Variants in FOXP1 observed in about 807,000 individuals in gnomAD.
FOXP1 encodes the protein forkhead box P1.
FOXP1 carries 15 observed loss-of-function variants against 98.2 expected under a neutral mutation model. That is an observed-to-expected ratio of 0.15 (90% confidence interval 0.10 to 0.24). The LOEUF is 0.24. Ranked by LOEUF, FOXP1 falls within the 10% of genes least tolerant of loss-of-function variation. FOXP1 has a pLI of 1.00. For missense variants in FOXP1, 633 were observed against 848.5 expected (o/e 0.75, Z 3.15); for synonymous variants, 371 against 314.5 (o/e 1.18, Z -1.90).
At chr3:71,040,038 T>C (rs1271914928) in intron 11 of FOXP1, among the ~76,000 whole-genome samples, 11 of 152,114 alleles carry the variant, frequency 7.2e-5, no homozygotes, top group Admixed American at 7.2e-4. Context: ...ATATGTATTA[T>C]CCTCAACTCT....
chr3:71,229,674 C>T (rs868276044), intron 5 of FOXP1, among the ~76,000 whole-genome samples: 5 of 152,186 alleles, frequency 3.3e-5, no homozygotes, highest in Middle Eastern at 3.4e-3. Context: ...TGCAAATGGG[C>T]CGTGTCTCTT....
At chr3:71,561,694 G>A (rs1198264748) in intron 2 of FOXP1, among the ~76,000 whole-genome samples, 2 of 152,134 alleles carry the variant, frequency 1.3e-5, no homozygotes, top group Admixed American at 1.3e-4. Flanking sequence ...TGCAGAGCTG[G>A]CATTTGCTGA....
intron 5 of FOXP1, among the ~76,000 whole-genome samples, chr3:71,200,698 G>A (rs2063616985): frequency 6.6e-6 from 1 of 152,208 alleles, no homozygotes; most frequent in Non-Finnish European, 1.5e-5. Context: ...AGGCAAATGT[G>A]TTCCAATTGT....
intron 5 of FOXP1, among the ~76,000 whole-genome samples, chr3:71,263,830 G>C (rs1405451617): frequency 1.3e-5 from 2 of 151,122 alleles, no homozygotes; most frequent in Non-Finnish European, 2.9e-5. Context: ...CTACAGCCTC[G>C]ACTTCCCAGG....
chr3:71,085,824 G>A (rs1349903601), intron 7 of FOXP1, among the ~76,000 whole-genome samples: 1 of 140,628 alleles, frequency 7.1e-6, no homozygotes, highest in Non-Finnish European at 1.5e-5. Flanking sequence ...CCGCCTCCTG[G>A]GTTCAAGCGA....
chr3:71,413,359 G>A (rs1169211325), intron 3 of FOXP1, among the ~76,000 whole-genome samples: 3 of 149,090 alleles, frequency 2.0e-5, no homozygotes, highest in Admixed American at 6.7e-5. Flanking sequence ...ACAATGCTGC[G>A]CTGCCATTAC....
At chr3:71,327,461 C>G (rs1165787561) in intron 4 of FOXP1, among the ~76,000 whole-genome samples, 1 of 145,144 alleles carries the variant, frequency 6.9e-6, no homozygotes, top group Non-Finnish European at 1.5e-5. Flanking sequence ...GATCTCAGCT[C>G]ACTGCAAGCT....
At chr3:71,556,752 A>C (rs80275842) in intron 2 of FOXP1, among the ~76,000 whole-genome samples, 2,402 of 152,116 alleles carry the variant, frequency 0.016, 47 homozygotes, top group African/African-American at 0.054. Context: ...AGAGAATATC[A>C]ATGTTCACCA....
chr3:71,284,156 C>A (rs568237264), intron 5 of FOXP1, among the ~76,000 whole-genome samples: 20 of 152,242 alleles, frequency 1.3e-4, no homozygotes, highest in African/African-American at 3.1e-4. Flanking sequence ...TCATCCAGTA[C>A]TGATAGGATG....
At chr3:71,157,132 G>C (rs1441669206) in intron 6 of FOXP1, among the ~76,000 whole-genome samples, 1 of 152,218 alleles carries the variant, frequency 6.6e-6, no homozygotes, top group Non-Finnish European at 1.5e-5. Context: ...CTTCAGGTCT[G>C]GATCTAACCT....
rs187540340 is a variant in FOXP1, at chr3:71,484,198, G to A, written c.-168+9228C>T. On this transcript the variant is annotated intron_variant, in intron 3 of 20. Coordinates refer to ENST00000649528, the MANE Select transcript of FOXP1 (RefSeq NM_001349338.3). ...CAGCGTGGAGAGATTGACAGGAAAT[G>A]ACTGAGTGTAATGGCTCCAAAGGAG... is the stretch of plus-strand genomic sequence containing the variant. Among the ~76,000 whole-genome samples, 528 of 152,324 alleles carry A rather than the reference G, an allele frequency of 3.5e-3. 2 individuals carry two copies. The highest frequency in any genetic ancestry group is 0.012 in the African/African-American group (511 of 41,582).
intron 5 of FOXP1, among the ~76,000 whole-genome samples, chr3:71,254,971 G>T (rs2068509770): frequency 2.6e-5 from 4 of 152,134 alleles, no homozygotes; most frequent in African/African-American, 2.4e-5. Context: ...TTAAAAGGAG[G>T]ATTTAGAACC....
At chr3:71,272,032 G>A (rs919838375) in intron 5 of FOXP1, among the ~76,000 whole-genome samples, 10 of 152,084 alleles carry the variant, frequency 6.6e-5, no homozygotes, top group African/African-American at 2.4e-4. Flanking sequence ...CAATTATAAA[G>A]CACCTATTAT....
intron 7 of FOXP1, among the ~76,000 whole-genome samples, chr3:71,094,278 CTTTTTTTTTTTT>C (rs1180804992): frequency 2.3e-5 from 3 of 127,824 alleles, no homozygotes; most frequent in African/African-American, 9.2e-5. Flanking sequence ...TTTTTCTTTT[CTTTTTTTTTTTT>C]TTTTTTTGAG....
chr3:71,496,118 G>A (rs2091388671), intron 2 of FOXP1, among the ~76,000 whole-genome samples: 1 of 152,164 alleles, frequency 6.6e-6, no homozygotes, highest in South Asian at 2.1e-4. Context: ...AAAGATGGCA[G>A]CTAACTTTTT....
In FOXP1 at chr3:71,486,522, C is replaced by T. The variant is rs140961873; in HGVS notation, c.-168+6904G>A. On this transcript the variant is annotated intron_variant, in intron 3 of 20. Transcript: ENST00000649528. ...AGTCAACCGTATCATCCTATTATTA[C>T]GGGCCAAGAGGGTAACAATTCACGT... Among the ~76,000 whole-genome samples, 530 of 152,250 alleles carry T rather than the reference C, an allele frequency of 3.5e-3. 2 individuals carry two copies. The highest frequency in any genetic ancestry group is 0.012 in the African/African-American group (507 of 41,532).
At chr3:71,465,372 ATCT>A (rs2088602066) in intron 3 of FOXP1, among the ~76,000 whole-genome samples, 1 of 151,964 alleles carries the variant, frequency 6.6e-6, no homozygotes, top group Admixed American at 6.5e-5. Context: ...TAGAATTGTC[ATCT>A]TCTTCATAAC....
intron 6 of FOXP1, among the ~76,000 whole-genome samples, chr3:71,154,832 C>T (rs1232235734): frequency 6.6e-6 from 1 of 152,228 alleles, no homozygotes; most frequent in Non-Finnish European, 1.5e-5. Context: ...AATTCCATTA[C>T]TAGCAGCTGG....
intron 14 of FOXP1, among the ~76,000 whole-genome samples, chr3:70,978,731 TATCAATCA>T (rs61280286): frequency 1.3e-5 from 2 of 152,206 alleles, no homozygotes; most frequent in South Asian, 2.1e-4. Context: ...CATTTGTTTC[TATCAATCA>T]ATCAATCAGT....
Sources: allele counts gnomAD v4.1 joint callset (sites outside exome capture counted in the v4.1 genomes callset), GRCh38; gene constraint gnomAD v4.1.1; transcripts MANE v1.5; gene names NCBI Gene and HGNC (gene_info 2026-07-23, HGNC 2026-07-21).